The following CYSLTR1 variants were observed in gnomAD, a reference collection of about 807,000 sequenced individuals.
The protein encoded by CYSLTR1 is G-protein coupled receptor HG55.
CYSLTR1 carries 1 observed loss-of-function variant against 2.1 expected under a neutral mutation model. The ratio of observed to expected loss-of-function variants is 0.48; its 90% confidence interval spans 0.17 to 2.28. CYSLTR1 has a LOEUF of 2.28. Ranked by LOEUF, CYSLTR1 falls within the 30% of genes most tolerant of loss-of-function variation. CYSLTR1 has a pLI of 0.26. For missense variants in CYSLTR1, 299 were observed against 250.1 expected (o/e 1.20, Z -1.32); for synonymous variants, 110 against 89.6 (o/e 1.23, Z -1.28).
At chrX:78,321,807 C>T (rs369238716) in intron 1 of CYSLTR1, 8 of 110,978 alleles carry the variant, frequency 7.2e-5, no homozygotes, top group African/African-American at 2.6e-4. Flanking sequence ...TTATAGGGTC[C>T]GAATGAGACT....
At chrX:78,290,380 T>C (rs1922269901) in intron 1 of CYSLTR1, among the ~76,000 whole-genome samples, 1 of 111,899 alleles carries the variant, frequency 8.9e-6, no homozygotes, top group Admixed American at 9.5e-5. Context: ...TAGTATAGCT[T>C]GAAGTCAGGT....
rs12558864 is a variant in CYSLTR1 at position 78,324,469 on chromosome X, G to A, written c.-115+2836C>T. Among the ~76,000 whole-genome samples, 1,030 of 111,829 alleles carry A rather than the reference G, an allele frequency of 9.2e-3. 36 individuals carry two copies. The highest frequency in any genetic ancestry group is 0.089 in the Admixed American group (942 of 10,573). ...TGCGACCTCCACCACCCGGGTTCAA[G>A]CGATTCTCCTGCCTCAGCCTCTCGA... On this transcript the variant is annotated intron_variant, in intron 1 of 2. Transcript: ENST00000373304.
At chrX:78,300,665 C>A (rs1196129399) in intron 1 of CYSLTR1, among the ~76,000 whole-genome samples, 1 of 112,850 alleles carries the variant, frequency 8.9e-6, no homozygotes, top group African/African-American at 3.2e-5. Context: ...CCACCCAAAT[C>A]TCATCTTGAA....
At chrX:78,278,953 A>C (rs1921721611) in intron 2 of CYSLTR1, among the ~76,000 whole-genome samples, 1 of 112,594 alleles carries the variant, frequency 8.9e-6, no homozygotes, top group African/African-American at 3.2e-5. Context: ...ATCTACAAAA[A>C]TAAACTCAAG....
intron 1 of CYSLTR1, among the ~76,000 whole-genome samples, chrX:78,294,361 A>G (rs939072800): frequency 1.8e-5 from 2 of 112,378 alleles, no homozygotes; most frequent in African/African-American, 6.5e-5. Flanking sequence ...TTCATCCCAG[A>G]GGGGCACTCA....
At chrX:78,312,506 G>A (rs1472909270) in intron 1 of CYSLTR1, among the ~76,000 whole-genome samples, 1 of 111,647 alleles carries the variant, frequency 9.0e-6, no homozygotes, top group Non-Finnish European at 1.9e-5. Context: ...TTTCTGCAAA[G>A]CAAAAGAAAT....
chrX:78,288,794 C>T (rs1181341010), intron 1 of CYSLTR1, among the ~76,000 whole-genome samples: 2 of 110,977 alleles, frequency 1.8e-5, no homozygotes, highest in Non-Finnish European at 3.8e-5. Flanking sequence ...CTGTCAAATA[C>T]TGGGTCTTAT....
intron 1 of CYSLTR1, among the ~76,000 whole-genome samples, chrX:78,309,283 C>T (rs1923137693): frequency 9.0e-6 from 1 of 111,382 alleles, no homozygotes; most frequent in Non-Finnish European, 1.9e-5. Context: ...TTTAGAAGCC[C>T]CTTATTGTTT....
intron 1 of CYSLTR1, among the ~76,000 whole-genome samples, chrX:78,298,535 T>C: frequency 9.0e-6 from 1 of 111,609 alleles, no homozygotes; most frequent in Non-Finnish European, 1.9e-5. Context: ...TGATATTTCC[T>C]TTATATATCT....
At chrX:78,287,160 G>C (rs1028976607) in intron 1 of CYSLTR1, among the ~76,000 whole-genome samples, 5 of 111,624 alleles carry the variant, frequency 4.5e-5, no homozygotes, top group Non-Finnish European at 7.5e-5. Context: ...AGTTTTCATT[G>C]TGATAACATC....
chrX:78,303,200 C>T (rs1022954490), intron 1 of CYSLTR1, among the ~76,000 whole-genome samples: 1 of 111,546 alleles, frequency 9.0e-6, no homozygotes, highest in African/African-American at 3.3e-5. Context: ...TCTGCTGTTA[C>T]AGGACAGCAC....
intron 1 of CYSLTR1, among the ~76,000 whole-genome samples, chrX:78,291,128 C>T (rs911324852): frequency 9.0e-6 from 1 of 111,503 alleles, no homozygotes; most frequent in East Asian, 2.8e-4. Context: ...TGAGATACAT[C>T]CCATCAATAC....
Position 78,273,564 on chromosome X carries a change from G to T in CYSLTR1, c.183C>A (p.Tyr61Ter). 2 of 1,211,626 alleles carry T rather than the reference G, an allele frequency of 1.7e-6. No homozygotes were observed. The highest frequency in any genetic ancestry group is 2.2e-6 in the Non-Finnish European group (2 of 895,482). Reference protein sequence around the residue: ...TYHKKSAFQVYMINLAVADLL... With the variant: ...TYHKKSAFQV ...GATCTGCTACTGCTAAATTAATCAT[G>T]TATACTTGGAAGGCTGACTTCTTGT... Residue 61 changes from tyrosine to a stop codon, truncating the protein, a stop_gained, in exon 3 of 3, where the codon TAC becomes TAA. Transcript: ENST00000373304. LOFTEE classifies it low-confidence loss of function (END_TRUNC).
intron 1 of CYSLTR1, among the ~76,000 whole-genome samples, chrX:78,291,324 A>G: frequency 8.9e-6 from 1 of 111,999 alleles, no homozygotes; most frequent in Non-Finnish European, 1.9e-5. Flanking sequence ...ATCGTGGTGG[A>G]TAAGCTTTTT....
intron 1 of CYSLTR1, among the ~76,000 whole-genome samples, chrX:78,294,315 C>T (rs1248420381): frequency 8.9e-6 from 1 of 112,580 alleles, no homozygotes; most frequent in Non-Finnish European, 1.9e-5. Context: ...TATTGCAGAA[C>T]AGCAAATATT....
Position 78,302,152 on chromosome X carries a change from C to T in CYSLTR1, c.-114-18612G>A, listed in dbSNP as rs141299408. Among the ~76,000 whole-genome samples the T allele has an allele frequency of 3.8e-3, 431 of 112,051 alleles. 5 individuals carry two copies. The highest frequency in any genetic ancestry group is 0.013 in the African/African-American group (400 of 30,863). On this transcript the variant is annotated intron_variant, in intron 1 of 2. Transcript: ENST00000373304. Reference sequence around the variant, plus strand: ...GGATACAGCCAAACCATATCATCTCCCCTTTTCAAAGGCAGAGGAGCCTCA... The same window carrying T: ...GGATACAGCCAAACCATATCATCTCTCCTTTTCAAAGGCAGAGGAGCCTCA...
intron 2 of CYSLTR1, among the ~76,000 whole-genome samples, chrX:78,275,511 C>A (rs1267056668): frequency 9.5e-6 from 1 of 105,790 alleles, no homozygotes; most frequent in Non-Finnish European, 1.9e-5. Context: ...TGTTCTCACT[C>A]ATAGGTGGGA....
At chrX:78,310,905 T>C (rs762186281) in intron 1 of CYSLTR1, among the ~76,000 whole-genome samples, 41 of 110,295 alleles carry the variant, frequency 3.7e-4, no homozygotes, top group Non-Finnish European at 2.3e-4. Flanking sequence ...TGGGCGTGTG[T>C]GTGTGTGTGA....
chrX:78,316,742 A>T (rs1923435301), intron 1 of CYSLTR1, among the ~76,000 whole-genome samples: 1 of 112,189 alleles, frequency 8.9e-6, no homozygotes. Flanking sequence ...GGGAAAGGAC[A>T]TCCTATTCAG....
Sources: allele counts gnomAD v4.1 joint callset (sites outside exome capture counted in the v4.1 genomes callset), GRCh38; gene constraint gnomAD v4.1.1; transcripts MANE v1.5; gene names NCBI Gene and HGNC (gene_info 2026-07-23, HGNC 2026-07-21).